GYS1: variants seen among roughly 807,000 people sequenced by gnomAD.
The protein encoded by GYS1 is glycogen [starch] synthase, muscle.
Under a neutral mutation model 89.1 loss-of-function variants are expected in GYS1, and 60 were observed. The ratio of observed to expected loss-of-function variants is 0.67; its 90% CI spans 0.55 to 0.84. GYS1 has a LOEUF of 0.84. GYS1 is among the 40% of genes least tolerant of loss of function. The pLI is 0.00. For synonymous variants in GYS1, 366 were observed against 401.7 expected (o/e 0.91, Z 1.06); for missense variants, 888 against 1,003.1 (o/e 0.89, Z 1.55).
chr19:48,973,065 C>T (rs937671247), intron 12 of GYS1, among the ~76,000 whole-genome samples: 6 of 152,264 alleles, frequency 3.9e-5, no homozygotes, highest in African/African-American at 1.2e-4. Flanking sequence ...GTAGTCCCCA[C>T]GTGTCGAGGG....
chr19:48,974,236 T>G lies in GYS1; in HGVS notation c.1526A>C (p.Tyr509Ser). 6.2e-7 allele frequency: 1 copy of G among 1,609,618 alleles called. No individual in the cohort carries two copies. The highest frequency in any genetic ancestry group is 1.7e-5 in the Admixed American group (1 of 59,366). Reference protein sequence around the residue: ...GCHLGVFPSYYEPWGYTPAEC... With the variant: ...GCHLGVFPSYSEPWGYTPAEC... Reference sequence around the variant, plus strand: ...ACCCGGTGTGTAGCCCCAAGGCTCATAGTAGGAGGGGAAGACTCCAAGGTG... The same window carrying G: ...ACCCGGTGTGTAGCCCCAAGGCTCAGAGTAGGAGGGGAAGACTCCAAGGTG... Residue 509 changes from tyrosine to serine, a missense_variant, in exon 12 of 16, where the codon TAT (tyrosine) becomes TCT (serine). Coordinates refer to ENST00000323798, the MANE Select transcript of GYS1 (RefSeq NM_002103.5).
chr19:48,970,788 C>T (rs572026305), intron 13 of GYS1, 79 bp from the exon 14 acceptor site: 28 of 1,476,088 alleles, frequency 1.9e-5, no homozygotes, highest in African/African-American at 1.2e-4. Flanking sequence ...GCACCAGGAC[C>T]CCTCCTCTCC....
At chr19:48,985,335 C>T in intron 5 of GYS1, 126 bp downstream of exon 5, 1 of 970,640 alleles carries the variant, frequency 1.0e-6, no homozygotes, top group Non-Finnish European at 1.6e-6. Flanking sequence ...CCATGCCCAG[C>T]CGAAATACGT....
At chr19:48,972,794 A>C (rs1268353410) in intron 12 of GYS1, among the ~76,000 whole-genome samples, 1 of 152,104 alleles carries the variant, frequency 6.6e-6, no homozygotes, top group Non-Finnish European at 1.5e-5. Context: ...TATAATTCTT[A>C]TGTAAGTTTT....
At chr19:48,987,418 G>T in intron 2 of GYS1, 33 bp from the exon 3 acceptor site, 1 of 1,516,194 alleles carries the variant, frequency 6.6e-7, no homozygotes, top group Non-Finnish European at 8.9e-7. Context: ...CCATAGGGAG[G>T]CTCTGGGCTT....
intron 12 of GYS1, among the ~76,000 whole-genome samples, chr19:48,972,757 G>C (rs1047264091): frequency 2.6e-5 from 4 of 152,170 alleles, no homozygotes; most frequent in African/African-American, 9.7e-5. Flanking sequence ...GGGATTATAG[G>C]CGTGAGCCAC....
At chr19:48,982,113 C>T in intron 7 of GYS1, 142 bp downstream of exon 7, 1 of 847,330 alleles carries the variant, frequency 1.2e-6, no homozygotes, top group Non-Finnish European at 2.0e-6. Context: ...GGCTGGTCTC[C>T]ATCTCCTGGG....
chr19:48,976,306 C>T (rs2038649684), intron 10 of GYS1, among the ~76,000 whole-genome samples: 1 of 152,086 alleles, frequency 6.6e-6, no homozygotes, highest in East Asian at 1.9e-4. Flanking sequence ...ACCACAAGTA[C>T]TGAAGTCCCT....
In GYS1 at chr19:48,993,277, G is replaced by A. The variant is rs769345570; in HGVS notation, c.-165C>T. The A allele has an allele frequency of 3.9e-5, 28 of 720,312 alleles. No individual in the cohort carries two copies. In the East Asian group the frequency reaches 6.5e-4, roughly 17 times the overall value. 44.6% of individuals were successfully genotyped at this position (720,312 alleles called of 1,614,324 possible). On this transcript the variant is annotated 5_prime_UTR_variant, in exon 1 of 16. Transcript: ENST00000323798. ...GACCGCACCCCTGCCCCGAAGCGTTGGGACCTAGGCAGAAGGAGGCCGCAG... is the reference window on the plus strand; with the variant it reads ...GACCGCACCCCTGCCCCGAAGCGTTAGGACCTAGGCAGAAGGAGGCCGCAG...
chr19:48,985,057 CTG>C (rs1366677355), intron 5 of GYS1, among the ~76,000 whole-genome samples: 7 of 152,116 alleles, frequency 4.6e-5, no homozygotes, highest in Admixed American at 1.3e-4. Context: ...CAGGGTCTCA[CTG>C]TGTCACCCAG....
rs1481042007 is a variant in GYS1, at chr19:48,969,104, G to A, written c.*184C>T. 7 of 640,684 alleles carry A rather than the reference G, an allele frequency of 1.1e-5. No homozygotes were observed. Among genetic ancestry groups the A allele is most frequent in the Non-Finnish European group, 1.9e-5 (7 of 365,262 alleles). 39.7% of individuals were successfully genotyped at this position (640,684 alleles called of 1,614,324 possible). A position where few individuals can be genotyped will look rare whatever the true frequency, so the allele number is the denominator to read the frequency against. ...AGCCAGAGAAAGGCACGGCTTTGTG[G>A]ATTCTGGAGTGCAGGAACTTGGAAA... On this transcript the variant is annotated 3_prime_UTR_variant, in exon 16 of 16. Transcript: ENST00000323798.
chr19:48,979,447 CT>C (rs2038717617), intron 8 of GYS1, among the ~76,000 whole-genome samples: 1 of 140,742 alleles, frequency 7.1e-6, no homozygotes, highest in Non-Finnish European at 1.5e-5. Flanking sequence ...AGAAATTCTC[CT>C]GCCTCAGCCT....
At position 48,985,950 on chromosome 19, in the gene GYS1, G is replaced by A. The variant is rs750379099; in HGVS notation, c.578C>T (p.Ala193Val). The A allele has an allele frequency of 2.1e-5, 34 of 1,614,030 alleles. No homozygotes were observed. The highest frequency in any genetic ancestry group is 2.6e-5 in the Non-Finnish European group (31 of 1,180,012). Residue 193 changes from alanine to valine, a missense_variant, in exon 4 of 16, where the codon GCC becomes GTC. By Grantham distance (64) the Ala-to-Val change is moderately conservative. Transcript: ENST00000323798. The stretch of plus-strand genomic sequence containing the variant: ...GATGGTTGCTACAGGCAGTCGCCGG[G>A]CACGACACAGGCAGAGTCCAACGCC... ...LAGVGLCLCR[A>V]RRLPVATIFT... is the part of the protein sequence containing the mutation.
intron 3 of GYS1, among the ~76,000 whole-genome samples, chr19:48,986,866 T>C (rs1343080245): frequency 3.3e-5 from 5 of 152,174 alleles, no homozygotes; most frequent in African/African-American, 9.7e-5. Context: ...TGGGGATTCA[T>C]GAGCATCCAG....
rs995248958 is a variant in GYS1, at chr19:48,969,145, G to C, written c.*143C>G. ...AACTTGGAAACTGGAGCTGGAGGGG[G>C]TGGAGTGTTTGGCGGACTGGGTGGG... On this transcript the variant is annotated 3_prime_UTR_variant, in exon 16 of 16. Transcript: ENST00000323798. 1.4e-6 allele frequency: 1 copy of C among 702,272 alleles called. No homozygotes were observed. The allele number at this position is 702,272 out of a possible 1,614,324, so 43.5% of individuals were successfully genotyped here. A position where few individuals can be genotyped will look rare whatever the true frequency, so the allele number is the denominator to read the frequency against.
chr19:48,982,942 T>G, intron 5 of GYS1, 105 bp from the exon 6 acceptor site: 4 of 885,660 alleles, frequency 4.5e-6, no homozygotes, highest in Non-Finnish European at 7.7e-6. Flanking sequence ...GCAATTTTTT[T>G]GTTTCAAGAG....
intron 8 of GYS1, among the ~76,000 whole-genome samples, chr19:48,979,331 CTTTTCTTTTTTTTTTTTTT>C (rs1194069396): frequency 2.2e-5 from 1 of 46,354 alleles, no homozygotes; most frequent in Non-Finnish European, 4.6e-5. Context: ...TTTCTTTTTT[CTTTTCTTTTTTTTTTTTTT>C]TTTTTTTTTT....
intron 13 of GYS1, 100 bp downstream of exon 13, chr19:48,970,828 G>T: frequency 7.2e-7 from 1 of 1,383,598 alleles, no homozygotes; most frequent in South Asian, 1.2e-5. Flanking sequence ...CCATTTCCTG[G>T]TGCCCCTGGT....
chr19:48,969,911 G>T, intron 14 of GYS1, 56 bp from the exon 15 acceptor site: 2 of 1,195,176 alleles, frequency 1.7e-6, no homozygotes, highest in Non-Finnish European at 2.5e-6. Flanking sequence ...CCACCCCCAG[G>T]CAGATGATGG....
Sources: allele counts gnomAD v4.1 joint callset (sites outside exome capture counted in the v4.1 genomes callset), GRCh38; gene constraint gnomAD v4.1.1; transcripts MANE v1.5; gene names NCBI Gene and HGNC (gene_info 2026-07-23, HGNC 2026-07-21).